Variants in KIAA0319 observed in about 807,000 individuals in gnomAD.
KIAA0319 encodes the protein KIAA0319.
A neutral mutation model predicts 108.4 loss-of-function variants in KIAA0319; 83 were observed. The ratio of observed to expected loss-of-function variants is 0.77; its 90% CI spans 0.64 to 0.92. KIAA0319 has a LOEUF of 0.92. KIAA0319 is among the 40% of genes least tolerant of loss of function. The pLI, the probability that KIAA0319 is intolerant of heterozygous loss-of-function variation, is 0.00. For synonymous variants in KIAA0319, 484 were observed against 510.4 expected (o/e 0.95, Z 0.70); for missense variants, 1,195 against 1,322.4 (o/e 0.90, Z 1.49).
At chr6:24,645,685 T>C (rs1777522663) in intron 1 of KIAA0319, 51 bp downstream of exon 1, 1 of 152,394 alleles carries the variant, frequency 6.6e-6, no homozygotes, top group South Asian at 2.1e-4. Context: ...GCCTACTGGC[T>C]GCCCTCTTTC....
At chr6:24,593,920 G>A (rs1768951934) in intron 3 of KIAA0319, among the ~76,000 whole-genome samples, 1 of 151,038 alleles carries the variant, frequency 6.6e-6, no homozygotes, top group African/African-American at 2.4e-5. Context: ...GTTTTTTCAG[G>A]CCAGGTGCAG....
chr6:24,580,826 G>A, intron 7 of KIAA0319, 100 bp downstream of exon 7: 1 of 727,362 alleles, frequency 1.4e-6, no homozygotes, highest in South Asian at 1.8e-5. Flanking sequence ...AATAGGTTTT[G>A]TCTCTCTAGG....
chr6:24,594,717 G>A (rs1769187085), intron 3 of KIAA0319, among the ~76,000 whole-genome samples: 1 of 151,492 alleles, frequency 6.6e-6, no homozygotes, highest in Non-Finnish European at 1.5e-5. Context: ...ATAATGTATA[G>A]TCAATTCAAT....
chr6:24,544,456 T>C lies in KIAA0319; in HGVS notation c.*2709A>G, dbSNP rs1008458615. On this transcript the variant is annotated 3_prime_UTR_variant, in exon 21 of 21. Coordinates refer to ENST00000378214, the MANE Select transcript of KIAA0319 (RefSeq NM_014809.4). ...TTAAGCAATAAAACCAAGATTAAAA[T>C]AGTCCATGATAGCTTTGTCACACAA... is the stretch of plus-strand genomic sequence containing the variant. 5.3e-5 allele frequency: 8 copies of C among 152,198 alleles called. No individual in the cohort carries two copies. The highest frequency in any genetic ancestry group is 1.9e-4 in the African/African-American group (8 of 41,446). The allele number at this position is 152,198 out of a possible 1,614,324, so 9.4% of individuals were successfully genotyped here.
chr6:24,552,176 A>G (rs910023456), intron 19 of KIAA0319, among the ~76,000 whole-genome samples: 1 of 152,220 alleles, frequency 6.6e-6, no homozygotes, highest in African/African-American at 2.4e-5. Context: ...CATGATGATC[A>G]GAAGCATAGG....
intron 14 of KIAA0319, 144 bp downstream of exon 14, chr6:24,566,453 G>A (rs575969325): frequency 1.1e-5 from 7 of 633,844 alleles, no homozygotes. Context: ...CCATAATGGA[G>A]ACAAAATTAA....
chr6:24,573,533 A>G (rs1276526535), intron 10 of KIAA0319, among the ~76,000 whole-genome samples: 1 of 152,232 alleles, frequency 6.6e-6, no homozygotes, highest in East Asian at 1.9e-4. Flanking sequence ...TTCAAAAGCA[A>G]ACAGTAAAAA....
chr6:24,581,661 G>A (rs1467585059), intron 6 of KIAA0319, among the ~76,000 whole-genome samples: 2 of 152,192 alleles, frequency 1.3e-5, no homozygotes, highest in Non-Finnish European at 2.9e-5. Context: ...TGCAAGGAGA[G>A]CAAGAGTTAC....
chr6:24,644,732 C>A (rs1210480145), intron 1 of KIAA0319, among the ~76,000 whole-genome samples: 1 of 151,928 alleles, frequency 6.6e-6, no homozygotes, highest in African/African-American at 2.4e-5. Flanking sequence ...TTCATTATTT[C>A]GAAACAAAAA....
intron 3 of KIAA0319, among the ~76,000 whole-genome samples, chr6:24,590,228 C>A (rs1324804694): frequency 6.6e-6 from 1 of 151,752 alleles, no homozygotes; most frequent in African/African-American, 2.4e-5. Flanking sequence ...AGTAACTGAG[C>A]CCCTACTGGG....
Position 24,588,790 on chromosome 6 carries a change from G to C in KIAA0319, c.802-5C>G, listed in dbSNP as rs374932308. Reference sequence around the variant, plus strand: ...ACTATGGGAAGGCATTAGAACCTACGAGATCAATTACAAGGATAAATTGTT... The same window carrying C: ...ACTATGGGAAGGCATTAGAACCTACCAGATCAATTACAAGGATAAATTGTT... On this transcript the variant is annotated splice_region_variant and splice_polypyrimidine_tract_variant and intron_variant, in intron 3 of 20. Coordinates refer to ENST00000378214, the MANE Select transcript of KIAA0319 (RefSeq NM_014809.4). 6.2e-7 allele frequency: 1 copy of C among 1,609,054 alleles called. No individual in the cohort carries two copies.
chr6:24,629,456 A>C (rs551522389), intron 1 of KIAA0319, among the ~76,000 whole-genome samples: 1 of 142,462 alleles, frequency 7.0e-6, no homozygotes, highest in Non-Finnish European at 1.5e-5. Flanking sequence ...CAGAGCTTGC[A>C]ATGAGCCGAG....
chr6:24,548,460 G>A (rs1015854533), intron 20 of KIAA0319, among the ~76,000 whole-genome samples: 3 of 152,158 alleles, frequency 2.0e-5, no homozygotes, highest in Non-Finnish European at 4.4e-5. Flanking sequence ...TCCCCAGTGC[G>A]CAGGTGGACA....
intron 1 of KIAA0319, among the ~76,000 whole-genome samples, chr6:24,642,722 AT>A (rs34139616): frequency 0.092 from 13,660 of 148,782 alleles, 636 homozygotes; most frequent in East Asian, 0.18. Flanking sequence ...CCTTTGCTGC[AT>A]TTTTTTTTTT....
chr6:24,624,795 G>A (rs1408856245), intron 1 of KIAA0319, among the ~76,000 whole-genome samples: 1 of 152,232 alleles, frequency 6.6e-6, no homozygotes, highest in Non-Finnish European at 1.5e-5. Context: ...AGTCGGACGT[G>A]AAGCCCTGAC....
At chr6:24,609,279 A>AG (rs1562060083) in intron 1 of KIAA0319, among the ~76,000 whole-genome samples, 1 of 150,294 alleles carries the variant, frequency 6.7e-6, no homozygotes, top group Non-Finnish European at 1.5e-5. Context: ...AAAACAAAAA[A>AG]AAAAAAAAAA....
At position 24,576,604 on chromosome 6, in the gene KIAA0319, AAGG is replaced by A. The variant is rs752278160; in HGVS notation, c.1506-11_1506-9del. ...GAGTCTGTAACAGTCAACCTACAAA[AAGG>A]AGAAGAAGCCGTAGTTGGAAGAATA... On this transcript the variant is annotated splice_polypyrimidine_tract_variant and intron_variant, in intron 9 of 20. Coordinates refer to ENST00000378214, the MANE Select transcript of KIAA0319 (RefSeq NM_014809.4). 6.2e-7 allele frequency: 1 copy of A among 1,608,418 alleles called. No homozygotes were observed. The highest frequency in any genetic ancestry group is 1.7e-5 in the Admixed American group (1 of 59,976).
chr6:24,575,004 CAT>C (rs1582010854), intron 10 of KIAA0319, among the ~76,000 whole-genome samples: 1 of 152,234 alleles, frequency 6.6e-6, no homozygotes, highest in Non-Finnish European at 1.5e-5. Context: ...AAGGCGGCCA[CAT>C]GTTTCAGGCA....
chr6:24,633,179 A>G (rs1368417082), intron 1 of KIAA0319, among the ~76,000 whole-genome samples: 1 of 152,242 alleles, frequency 6.6e-6, no homozygotes, highest in East Asian at 1.9e-4. Context: ...AGGCTGGTGA[A>G]GGGTTAGCAA....
Sources: allele counts gnomAD v4.1 joint callset (sites outside exome capture counted in the v4.1 genomes callset), GRCh38; gene constraint gnomAD v4.1.1; transcripts MANE v1.5; gene names NCBI Gene and HGNC (gene_info 2026-07-23, HGNC 2026-07-21).